ARHGAP10: variants seen among roughly 807,000 people sequenced by gnomAD.
ARHGAP10 encodes Rho GTPase activating protein 10.
In ARHGAP10, 87 loss-of-function variants were observed where a neutral mutation model predicts 108.6. That is an observed-to-expected ratio of 0.80 (90% CI 0.67 to 0.96). ARHGAP10 has a LOEUF of 0.96. Among genes scored for constraint, ARHGAP10 ranks in the 40% least tolerant of loss-of-function variants. The pLI, the probability that ARHGAP10 is intolerant of heterozygous loss-of-function variation, is 0.00. For synonymous variants in ARHGAP10, 347 were observed against 341.1 expected (o/e 1.02, Z -0.19); for missense variants, 939 against 954.5 (o/e 0.98, Z 0.21).
chr4:147,870,137 G>A (rs149035054), intron 7 of ARHGAP10, among the ~76,000 whole-genome samples: 2,045 of 151,596 alleles, frequency 0.013, 43 homozygotes, highest in African/African-American at 0.032. Flanking sequence ...TGCAAGCTCC[G>A]CCTCCCGGGT....
intron 1 of ARHGAP10, among the ~76,000 whole-genome samples, chr4:147,814,428 T>TA (rs1732153103): frequency 6.6e-6 from 1 of 152,206 alleles, no homozygotes; most frequent in Non-Finnish European, 1.5e-5. Context: ...TGAATGTTGT[T>TA]ACTCCAATGG....
At chr4:147,795,534 T>G (rs1372281350) in intron 1 of ARHGAP10, among the ~76,000 whole-genome samples, 1 of 152,088 alleles carries the variant, frequency 6.6e-6, no homozygotes, top group East Asian at 1.9e-4. Flanking sequence ...GGTGCAGCAG[T>G]TTACAAACGC....
At chr4:147,920,416 A>G (rs1346493045) in intron 13 of ARHGAP10, among the ~76,000 whole-genome samples, 1 of 151,878 alleles carries the variant, frequency 6.6e-6, no homozygotes, top group African/African-American at 2.4e-5. Flanking sequence ...CTCTGGAAAC[A>G]AAAACAAAAA....
Position 147,879,222 on chromosome 4 carries a change from T to A in ARHGAP10, c.833-10T>A, listed in dbSNP as rs1366993176. 1.2e-6 allele frequency: 2 copies of A among 1,606,662 alleles called. No individual in the cohort carries two copies. Among genetic ancestry groups the A allele is most frequent in the South Asian group, 2.2e-5 (2 of 90,380 alleles). The stretch of plus-strand genomic sequence containing the variant: ...GAGGGAAAATATAAAGGGCTGTTTT[T>A]TTGTTGAAGGGCCTGCTCCGTTTGG... On this transcript the variant is annotated splice_polypyrimidine_tract_variant and intron_variant, in intron 8 of 22. Coordinates refer to ENST00000336498, the MANE Select transcript of ARHGAP10 (RefSeq NM_024605.4).
At chr4:147,778,540 G>C (rs1730401685) in intron 1 of ARHGAP10, among the ~76,000 whole-genome samples, 1 of 152,104 alleles carries the variant, frequency 6.6e-6, no homozygotes, top group Non-Finnish European at 1.5e-5. Context: ...TCATATTTCA[G>C]TTTTGTTAAA....
intron 20 of ARHGAP10, among the ~76,000 whole-genome samples, chr4:148,058,236 A>G (rs1006621393): frequency 8.6e-5 from 13 of 152,016 alleles, no homozygotes; most frequent in African/African-American, 3.1e-4. Flanking sequence ...CATTTCACTA[A>G]TGTGTTAGCT....
At chr4:147,789,967 A>T (rs576451734) in intron 1 of ARHGAP10, among the ~76,000 whole-genome samples, 1 of 151,816 alleles carries the variant, frequency 6.6e-6, no homozygotes, top group African/African-American at 2.4e-5. Flanking sequence ...TTCGTAATGA[A>T]CAGAAAGGTG....
intron 10 of ARHGAP10, among the ~76,000 whole-genome samples, chr4:147,900,846 C>T (rs75193717): frequency 0.037 from 4,800 of 130,542 alleles, 183 homozygotes; most frequent in African/African-American, 0.097. Context: ...AACAACAACA[C>T]GCCTTGAGAC....
intron 1 of ARHGAP10, among the ~76,000 whole-genome samples, chr4:147,796,961 T>C (rs959414278): frequency 6.6e-6 from 1 of 152,184 alleles, no homozygotes; most frequent in African/African-American, 2.4e-5. Context: ...AGCTCTGAAA[T>C]GATTGTAGGA....
At chr4:147,895,246 A>G (rs571712217) in intron 10 of ARHGAP10, among the ~76,000 whole-genome samples, 113 of 152,110 alleles carry the variant, frequency 7.4e-4, no homozygotes, top group Non-Finnish European at 1.6e-4. Flanking sequence ...TTAATTTCCA[A>G]CTGGTCACTA....
chr4:148,052,941 T>C (rs939085763), intron 20 of ARHGAP10, among the ~76,000 whole-genome samples: 6 of 152,158 alleles, frequency 3.9e-5, no homozygotes, highest in African/African-American at 1.2e-4. Context: ...CCTTTGGCTT[T>C]AGCAGAGGCT....
intron 4 of ARHGAP10, among the ~76,000 whole-genome samples, chr4:147,857,268 G>A (rs6535564): frequency 0.94 from 142,641 of 152,294 alleles, 67,403 homozygotes; most frequent in Non-Finnish European, 1. Flanking sequence ...GGTGAGTGAC[G>A]TGGAATTAAT....
At chr4:148,001,993 G>C (rs945933026) in intron 18 of ARHGAP10, among the ~76,000 whole-genome samples, 6 of 152,140 alleles carry the variant, frequency 3.9e-5, no homozygotes, top group Non-Finnish European at 8.8e-5. Flanking sequence ...TCTTGTGCCA[G>C]TTTTCAAAGG....
chr4:147,995,608 A>G (rs1482313114), intron 18 of ARHGAP10, among the ~76,000 whole-genome samples: 16 of 152,228 alleles, frequency 1.1e-4, no homozygotes, highest in Non-Finnish European at 2.1e-4. Context: ...TGTCAGCCTT[A>G]CAATACAGAC....
At chr4:147,936,237 T>G (rs1369484070) in intron 13 of ARHGAP10, among the ~76,000 whole-genome samples, 1 of 151,770 alleles carries the variant, frequency 6.6e-6, no homozygotes, top group Non-Finnish European at 1.5e-5. Flanking sequence ...GCTCAAAAGG[T>G]CTCTGATTTT....
chr4:147,992,055 A>G (rs1578767530), intron 18 of ARHGAP10, among the ~76,000 whole-genome samples: 1 of 152,208 alleles, frequency 6.6e-6, no homozygotes, highest in African/African-American at 2.4e-5. Flanking sequence ...AGGAAATTAC[A>G]AGCCATGCAG....
In ARHGAP10 at chr4:148,023,285, C is replaced by G; in HGVS notation, c.1739C>G (p.Thr580Ser). ...AAGATTTTTCGGACGCCGCCCGATACTACATTCCCTGAGCCCACCTGCCTG... is the reference window on the plus strand; with the variant it reads ...AAGATTTTTCGGACGCCGCCCGATAGTACATTCCCTGAGCCCACCTGCCTG... ...HEKIFRTPPD[T>S]TFPEPTCLSA... The change falls in exon 19 of 23, where the codon ACT (threonine) becomes AGT (serine). Residue 580 changes from threonine to serine, a missense_variant. Physicochemically the swap from Thr to Ser is moderately conservative, Grantham distance 58. Coordinates refer to ENST00000336498, the MANE Select transcript of ARHGAP10 (RefSeq NM_024605.4). The G allele has an allele frequency of 6.2e-7, 1 of 1,614,136 alleles. No individual in the cohort carries two copies. The highest frequency in any genetic ancestry group is 8.5e-7 in the Non-Finnish European group (1 of 1,179,984).
intron 1 of ARHGAP10, among the ~76,000 whole-genome samples, chr4:147,811,576 G>A (rs1348864907): frequency 8.0e-6 from 1 of 124,328 alleles, no homozygotes; most frequent in Non-Finnish European, 1.8e-5. Flanking sequence ...TGACAAATAT[G>A]CAATGGCTTT....
chr4:147,911,981 T>G (rs1736756392), intron 12 of ARHGAP10, among the ~76,000 whole-genome samples: 1 of 145,178 alleles, frequency 6.9e-6, no homozygotes, highest in African/African-American at 2.6e-5. Context: ...CTCAAGTAAT[T>G]TAAGAACATT....
Sources: allele counts gnomAD v4.1 joint callset (sites outside exome capture counted in the v4.1 genomes callset), GRCh38; gene constraint gnomAD v4.1.1; transcripts MANE v1.5; gene names NCBI Gene and HGNC (gene_info 2026-07-23, HGNC 2026-07-21).